Variants in GALNT2 observed in about 807,000 individuals in gnomAD.
GALNT2 encodes polypeptide N-acetylgalactosaminyltransferase 2.
In GALNT2, 31 loss-of-function variants were observed where a neutral mutation model predicts 81.4. The observed-to-expected ratio is 0.38, with a 90% confidence interval of 0.29 to 0.51. The LOEUF (loss-of-function observed/expected upper bound fraction) is 0.51. GALNT2 is among the 20% of genes least tolerant of loss of function. The probability of loss-of-function intolerance (pLI) is 0.87; values close to 1 mark genes in which losing one functional copy is unlikely to be tolerated. For synonymous variants in GALNT2, 303 were observed against 287.4 expected (o/e 1.05, Z -0.55); for missense variants, 629 against 765.7 (o/e 0.82, Z 2.11).
chr1:230,128,257 A>ATGTGTGTGTGTGTGTGTGTG (rs59410758), intron 1 of GALNT2, among the ~76,000 whole-genome samples: 2,520 of 149,824 alleles, frequency 0.017, 33 homozygotes, highest in Non-Finnish European at 0.024. Context: ...GCGCTGGAGA[A>ATGTGTGTGTGTGTGTGTGTG]TGTGTGTGTG....
At chr1:230,214,143 G>A (rs1200874668) in intron 3 of GALNT2, among the ~76,000 whole-genome samples, 1 of 147,400 alleles carries the variant, frequency 6.8e-6, no homozygotes, top group Non-Finnish European at 1.5e-5. Flanking sequence ...ACGGAGTCTC[G>A]CTCATGTTGC....
chr1:230,277,701 G>C (rs767311134), intron 15 of GALNT2, among the ~76,000 whole-genome samples: 1 of 152,160 alleles, frequency 6.6e-6, no homozygotes, highest in Non-Finnish European at 1.5e-5. Flanking sequence ...GTGGTGTTTC[G>C]CGCAGGTCGG....
intron 1 of GALNT2, among the ~76,000 whole-genome samples, chr1:230,160,776 T>C (rs1662408105): frequency 6.6e-6 from 1 of 151,972 alleles, no homozygotes; most frequent in South Asian, 2.1e-4. Flanking sequence ...CTCTTAAAGC[T>C]CAAAAGCTGT....
intron 1 of GALNT2, among the ~76,000 whole-genome samples, chr1:230,164,968 G>A (rs955152658): frequency 6.6e-6 from 1 of 152,150 alleles, no homozygotes; most frequent in Non-Finnish European, 1.5e-5. Flanking sequence ...TGCCCCATAG[G>A]TTCCTGTAGT....
At chr1:230,151,246 G>T (rs1167143141) in intron 1 of GALNT2, among the ~76,000 whole-genome samples, 2 of 152,186 alleles carry the variant, frequency 1.3e-5, no homozygotes, top group East Asian at 1.9e-4. Flanking sequence ...TGGAGGGAAG[G>T]CCCCTGGAGA....
intron 2 of GALNT2, among the ~76,000 whole-genome samples, chr1:230,182,242 A>T: frequency 6.7e-6 from 1 of 149,864 alleles, no homozygotes; most frequent in South Asian, 2.1e-4. Flanking sequence ...TGATTTCTGT[A>T]ATAATTTTTA....
intron 2 of GALNT2, among the ~76,000 whole-genome samples, chr1:230,182,399 C>T (rs1415336911): frequency 6.6e-6 from 1 of 152,154 alleles, no homozygotes; most frequent in African/African-American, 2.4e-5. Flanking sequence ...GCTTTTGCTG[C>T]ATCTCACAAA....
rs1201720395 is a variant in GALNT2, at chr1:230,058,508, C to G, written n.89+430C>G. Among the ~76,000 whole-genome samples, 7 of 152,202 alleles carry G rather than the reference C, an allele frequency of 4.6e-5. No individual in the cohort carries two copies. In the East Asian group the frequency reaches 1.3e-3, roughly 29 times the overall value. ...GCCAAGTGCCTCCTAGTGACTCAGTCTCCCTGACTCTGCTACTCGCTGAGC... is the reference window on the plus strand; with the variant it reads ...GCCAAGTGCCTCCTAGTGACTCAGTGTCCCTGACTCTGCTACTCGCTGAGC... On this transcript the variant is annotated intron_variant and non_coding_transcript_variant, in intron 1 of 6. Transcript: ENST00000494106.
intron 3 of GALNT2, among the ~76,000 whole-genome samples, chr1:230,206,992 G>A (rs11122464): frequency 0.11 from 16,395 of 150,574 alleles, 1,827 homozygotes; most frequent in East Asian, 0.57. Context: ...AAAACTTCCC[G>A]TCCCCCTTTC....
intron 8 of GALNT2, among the ~76,000 whole-genome samples, chr1:230,247,704 C>T (rs560164837): frequency 6.6e-6 from 1 of 152,168 alleles, no homozygotes; most frequent in East Asian, 1.9e-4. Context: ...CCAGGTGTTC[C>T]GTGTGGGGGT....
rs781476089 is a variant in GALNT2, at chr1:230,246,169, G to A, written c.817+19G>A. Reference sequence around the variant, plus strand: ...AAGGGCGGTAGGTGTCTGTCATGGTGCCCCTGCCTAGCTCGTCCCGTCTAC... The same window carrying A: ...AAGGGCGGTAGGTGTCTGTCATGGTACCCCTGCCTAGCTCGTCCCGTCTAC... On this transcript the variant is annotated intron_variant, in intron 8 of 15. Transcript: ENST00000366672. 6.3e-7 allele frequency: 1 copy of A among 1,585,268 alleles called. No homozygotes were observed.
chr1:230,272,115 G>A (rs539049514), intron 14 of GALNT2, among the ~76,000 whole-genome samples: 3 of 152,270 alleles, frequency 2.0e-5, no homozygotes, highest in African/African-American at 7.2e-5. Context: ...AATGACAAGG[G>A]TTTTAGGAGC....
intron 13 of GALNT2, 120 bp from the exon 14 acceptor site, chr1:230,265,121 A>T: frequency 7.6e-7 from 1 of 1,313,566 alleles, no homozygotes; most frequent in Non-Finnish European, 1.1e-6. Context: ...CACGATGCCT[A>T]GTCACTGGGT....
Position 230,180,676 on chromosome 1 carries a change from T to C in GALNT2, c.220+2365T>C, listed in dbSNP as rs570392272. Among the ~76,000 whole-genome samples the C allele has an allele frequency of 3.0e-4, 45 of 152,338 alleles. 1 individual carries two copies. In the South Asian group the frequency reaches 9.3e-3, roughly 32 times the overall value. On this transcript the variant is annotated intron_variant, in intron 2 of 15. Coordinates refer to ENST00000366672, the MANE Select transcript of GALNT2 (RefSeq NM_004481.5). ...AACTTGCTGGGATTTTGGCTCTAAT[T>C]GCATTGAATCTATAGATCAAGTTGA...
Position 230,091,384 on chromosome 1 carries a change from CT to C in GALNT2, c.126+23982del, listed in dbSNP as rs1365311018. On this transcript the variant is annotated intron_variant, in intron 1 of 15. Transcript: ENST00000366672. Reference sequence around the variant, plus strand: ...CCATTGTGCCCGGTCCTCAGCAAACCTTTTCTATCGGCCTATTTCTATCTAT... The same window carrying C: ...CCATTGTGCCCGGTCCTCAGCAAACCTTTCTATCGGCCTATTTCTATCTAT... Among the ~76,000 whole-genome samples the C allele has an allele frequency of 3.9e-5, 6 of 152,154 alleles. No homozygotes were observed. In the East Asian group the frequency reaches 1.2e-3, roughly 29 times the overall value.
chr1:230,107,666 A>G lies in GALNT2; in HGVS notation c.126+40260A>G, dbSNP rs553398759. 2.1e-5 allele frequency among the ~76,000 whole-genome samples: 3 copies of G among 144,786 alleles called. No individual in the cohort carries two copies. The East Asian group carries it at 5.9e-4, about 29-fold the overall frequency. The allele number at this position is 144,786 out of a possible 152,430, so 95.0% of individuals were successfully genotyped here. On this transcript the variant is annotated intron_variant, in intron 1 of 15. Transcript: ENST00000366672. ...TGTGGTTGGTTGGTTGGTTTAAGCC[A>G]TGGATTAAAGAAAGGAGAACTATTT...
chr1:230,135,749 A>G (rs1246079480), intron 1 of GALNT2, among the ~76,000 whole-genome samples: 1 of 151,962 alleles, frequency 6.6e-6, no homozygotes, highest in East Asian at 1.9e-4. Context: ...CCCAGGCTGG[A>G]GTGCAGTGGT....
chr1:230,195,426 G>T (rs911601749), intron 2 of GALNT2, among the ~76,000 whole-genome samples: 1 of 152,128 alleles, frequency 6.6e-6, no homozygotes, highest in Admixed American at 6.5e-5. Flanking sequence ...GCAGGAAGAG[G>T]CTTGCAGAGA....
chr1:230,279,856 G>A lies in GALNT2; in HGVS notation c.*398G>A. On this transcript the variant is annotated 3_prime_UTR_variant, in exon 16 of 16. Coordinates refer to ENST00000366672, the MANE Select transcript of GALNT2 (RefSeq NM_004481.5). This position sits in a 1 kb window ranked among gnomAD's most constrained non-coding sequence, Gnocchi z 4.6. ...GGGCACACATGCCCCAGGGGAGCGA[G>A]GAGAACTCTTGAAATCTCCATTTTC... The A allele has an allele frequency of 2.1e-6, 1 of 467,214 alleles. No homozygotes were observed. The highest frequency in any genetic ancestry group is 4.3e-6 in the Non-Finnish European group (1 of 234,636). The allele number at this position is 467,214 out of a possible 1,614,324, so 28.9% of individuals were successfully genotyped here.
Sources: gnomAD v4.1 joint callset for allele counts (sites outside exome capture counted in the v4.1 genomes callset) on GRCh38, gnomAD v4.1.1 for gene constraint, Gnocchi (gnomAD v3.1) non-coding constraint, MANE v1.5 for transcripts, NCBI Gene and HGNC (gene_info 2026-07-23, HGNC 2026-07-21) for gene names.